SHISAL1: variants seen among roughly 807,000 people sequenced by gnomAD.
SHISAL1 encodes the protein shisa like 1.
Under a neutral mutation model 22.6 loss-of-function variants are expected in SHISAL1, and 9 were observed. The observed-to-expected ratio is 0.40, with a 90% CI of 0.24 to 0.70. SHISAL1 has a LOEUF of 0.70. SHISAL1 is among the 30% of genes least tolerant of loss of function. The pLI is 0.39. For synonymous variants in SHISAL1, 119 were observed against 115.4 expected (o/e 1.03, Z -0.20); for missense variants, 246 against 270.6 (o/e 0.91, Z 0.64).
At chr22:44,269,466 C>T (rs1440299282) in intron 4 of SHISAL1, among the ~76,000 whole-genome samples, 8 of 88,482 alleles carry the variant, frequency 9.0e-5, no homozygotes, top group South Asian at 7.1e-4. Flanking sequence ...CAGACGCCCA[C>T]AACACGCGCA....
chr22:44,272,955 G>C (rs1443968839), intron 4 of SHISAL1, among the ~76,000 whole-genome samples: 1 of 151,986 alleles, frequency 6.6e-6, no homozygotes, highest in African/African-American at 2.4e-5. Context: ...AAGTTAGCTG[G>C]GCATGGTGGC....
At chr22:44,269,973 C>T (rs1381187729) in intron 4 of SHISAL1, among the ~76,000 whole-genome samples, 1 of 152,194 alleles carries the variant, frequency 6.6e-6, no homozygotes, top group Non-Finnish European at 1.5e-5. Context: ...GTGTGCCCCT[C>T]CAACATCCAA....
intron 1 of SHISAL1, among the ~76,000 whole-genome samples, chr22:44,308,533 T>C (rs561522650): frequency 6.6e-6 from 1 of 152,282 alleles, no homozygotes; most frequent in East Asian, 1.9e-4. Context: ...TGGAGGCTCA[T>C]CCTGGGTGGC....
intron 1 of SHISAL1, among the ~76,000 whole-genome samples, chr22:44,309,429 C>G (rs1476877611): frequency 1.3e-5 from 2 of 152,138 alleles, no homozygotes; most frequent in Non-Finnish European, 2.9e-5. Context: ...GAAGTACAGA[C>G]GAGGAGACGG....
Position 44,244,937 on chromosome 22 carries a change from C to T in SHISAL1, c.*4748G>A, listed in dbSNP as rs373012955. On this transcript the variant is annotated 3_prime_UTR_variant, in exon 5 of 5. Coordinates refer to ENST00000381176, the MANE Select transcript of SHISAL1 (RefSeq NM_001099294.2). ...AGCACCAGCGTGGGACGTGTTGGTG[C>T]TACAGCAAGGAACTAGGGCACTGTG... 2 of 152,262 alleles carry T rather than the reference C, an allele frequency of 1.3e-5. No individual in the cohort carries two copies. The highest frequency in any genetic ancestry group is 2.9e-5 in the Non-Finnish European group (2 of 68,056). 9.4% of individuals were successfully genotyped at this position (152,262 alleles called of 1,614,324 possible).
intron 4 of SHISAL1, among the ~76,000 whole-genome samples, chr22:44,259,267 C>T (rs186516860): frequency 2.6e-5 from 4 of 151,906 alleles, no homozygotes; most frequent in African/African-American, 4.8e-5. Context: ...GGTGAAACCC[C>T]GTCTACTAAA....
Position 44,249,607 on chromosome 22 carries a change from A to G in SHISAL1, c.*78T>C. 1.3e-6 allele frequency: 1 copy of G among 774,726 alleles called. No homozygotes were observed. The highest frequency in any genetic ancestry group is 2.4e-6 in the Non-Finnish European group (1 of 416,092). 48.0% of individuals were successfully genotyped at this position (774,726 alleles called of 1,614,324 possible). On this transcript the variant is annotated 3_prime_UTR_variant, in exon 5 of 5. Transcript: ENST00000381176. ...CCTCGGCTGTCCCTGGCATCTCTGT[A>G]GAAGTTGTTCTTCTCGGAGGCTGCA...
At chr22:44,290,429 T>A (rs536628924) in intron 3 of SHISAL1, among the ~76,000 whole-genome samples, 89 of 150,960 alleles carry the variant, frequency 5.9e-4, no homozygotes, top group Non-Finnish European at 1.1e-3. Context: ...CTTGAGAGGC[T>A]GAGGCAGGGG....
chr22:44,253,733 T>C (rs2055065563), intron 4 of SHISAL1, among the ~76,000 whole-genome samples: 1 of 151,986 alleles, frequency 6.6e-6, no homozygotes, highest in Non-Finnish European at 1.5e-5. Context: ...TGAGCCACCA[T>C]GCCCGGCCTA....
intron 4 of SHISAL1, among the ~76,000 whole-genome samples, chr22:44,264,976 A>C (rs1007181566): frequency 6.6e-6 from 1 of 151,822 alleles, no homozygotes; most frequent in Non-Finnish European, 1.5e-5. Flanking sequence ...CCCAAAACAC[A>C]ACCAGATCCC....
chr22:44,285,356 T>C, intron 4 of SHISAL1, 72 bp downstream of exon 4: 1 of 1,471,408 alleles, frequency 6.8e-7, no homozygotes, highest in South Asian at 1.2e-5. Context: ...ATGGCGAGAG[T>C]GATGGCGTAT....
chr22:44,292,471 A>T (rs2055359303), intron 3 of SHISAL1, among the ~76,000 whole-genome samples: 1 of 152,172 alleles, frequency 6.6e-6, no homozygotes, highest in South Asian at 2.1e-4. Flanking sequence ...GGTCTGGGAC[A>T]GGTGACTTCC....
At chr22:44,313,139 T>C (rs1439585674), upstream of SHISAL1, among the ~76,000 whole-genome samples, 5 of 152,254 alleles carry the variant, frequency 3.3e-5, no homozygotes, top group Non-Finnish European at 7.3e-5. Flanking sequence ...AGCCCCATTT[T>C]ACAGGTGAGC....
In SHISAL1 at chr22:44,248,273, T is replaced by C. The variant is rs1362141177; in HGVS notation, c.*1412A>G. ...GGGTGGTCAGTGTGAGAACACTAGG[T>C]CTGATGAAATGAGGAAACTGCGTCA... On this transcript the variant is annotated 3_prime_UTR_variant, in exon 5 of 5. Transcript: ENST00000381176. 1 of 146,022 alleles carries C rather than the reference T, an allele frequency of 6.8e-6. No individual in the cohort carries two copies. The highest frequency in any genetic ancestry group is 2.8e-5 in the African/African-American group (1 of 35,710). The allele number at this position is 146,022 out of a possible 1,614,324, so 9.0% of individuals were successfully genotyped here.
In SHISAL1 at chr22:44,245,243, G is replaced by GTGAT. The variant is rs1569202718; in HGVS notation, c.*4438_*4441dup. 2.0e-5 allele frequency: 3 copies of GTGAT among 152,200 alleles called. No homozygotes were observed. Among genetic ancestry groups the GTGAT allele is most frequent in the Admixed American group, 1.3e-4 (2 of 15,280 alleles). The allele number at this position is 152,200 out of a possible 1,614,324, so 9.4% of individuals were successfully genotyped here. ...CAACCCACGTGGATGTCTCCCTACA[G>GTGAT]TGATAGGGGGCCCTTCAACATTGAT... On this transcript the variant is annotated 3_prime_UTR_variant, in exon 5 of 5. Transcript: ENST00000381176.
At chr22:44,296,937 GCCAAGAGGC>G in intron 2 of SHISAL1, 52 bp from the exon 3 acceptor site, 2 of 1,454,226 alleles carry the variant, frequency 1.4e-6, no homozygotes, top group Non-Finnish European at 1.9e-6. Flanking sequence ...GTCCACGGGT[GCCAAGAGGC>G]AGGGGGACTG....
At chr22:44,299,294 C>T (rs1019902570) in intron 2 of SHISAL1, among the ~76,000 whole-genome samples, 2 of 152,224 alleles carry the variant, frequency 1.3e-5, no homozygotes, top group Admixed American at 6.5e-5. Flanking sequence ...CAACCATGAA[C>T]GCACCCCTGT....
chr22:44,307,605 G>A (rs1274367655), intron 1 of SHISAL1, among the ~76,000 whole-genome samples: 1 of 152,204 alleles, frequency 6.6e-6, no homozygotes, highest in African/African-American at 2.4e-5. Context: ...TTCTGGCTGA[G>A]TGGGACGTTC....
At chr22:44,299,377 A>G (rs1181347501) in intron 2 of SHISAL1, among the ~76,000 whole-genome samples, 2 of 152,206 alleles carry the variant, frequency 1.3e-5, no homozygotes, top group African/African-American at 4.8e-5. Context: ...TGAAGGGGTG[A>G]CCTCGGGCAG....
Sources: allele counts gnomAD v4.1 joint callset (sites outside exome capture counted in the v4.1 genomes callset), GRCh38; gene constraint gnomAD v4.1.1; transcripts MANE v1.5; gene names NCBI Gene and HGNC (gene_info 2026-07-23, HGNC 2026-07-21).